Variants in PAFAH1B2 observed in about 807,000 individuals in gnomAD.
PAFAH1B2 encodes platelet-activating factor acetylhydrolase IB subunit alpha2.
A neutral mutation model predicts 28.0 loss-of-function variants in PAFAH1B2; 8 were observed. That is an observed-to-expected ratio of 0.29 (90% confidence interval 0.17 to 0.52). The LOEUF (loss-of-function observed/expected upper bound fraction) is 0.52, where lower values mean the gene tolerates loss of function less well. Among genes scored for constraint, PAFAH1B2 ranks in the 20% least tolerant of loss-of-function variants. The pLI, the probability that PAFAH1B2 is intolerant of heterozygous loss-of-function variation, is 0.97. For missense variants in PAFAH1B2, 190 were observed against 282.6 expected, an observed-to-expected ratio of 0.67 and a Z score of 2.35; for synonymous variants, 104 against 103.2, an observed-to-expected ratio of 1.01 and a Z score of -0.05.
In PAFAH1B2 at chr11:117,167,777, T is replaced by G. The variant is rs1956546193; in HGVS notation, c.*78T>G. The stretch of plus-strand genomic sequence containing the variant: ...ACTGGCACTACAGAATCCTTCTCTT[T>G]CTTAAGGCACTTTGCATTGTAGAAT... On this transcript the variant is annotated 3_prime_UTR_variant, in exon 6 of 6. Transcript: ENST00000527958. 7.2e-7 allele frequency: 1 copy of G among 1,381,566 alleles called. No homozygotes were observed. Among genetic ancestry groups the G allele is most frequent in the Admixed American group, 3.0e-5 (1 of 33,182 alleles). The allele number at this position is 1,381,566 out of a possible 1,614,324, so 85.6% of individuals were successfully genotyped here.
chr11:117,169,260 T>C lies in PAFAH1B2; in HGVS notation c.*1561T>C, dbSNP rs1176917357. The C allele has an allele frequency of 1.9e-6, 2 of 1,038,466 alleles. No individual in the cohort carries two copies. Among genetic ancestry groups the C allele is most frequent in the Non-Finnish European group, 2.3e-6 (2 of 862,374 alleles). 64.3% of individuals were successfully genotyped at this position (1,038,466 alleles called of 1,614,324 possible). On this transcript the variant is annotated 3_prime_UTR_variant, in exon 6 of 6. Coordinates refer to ENST00000527958, the MANE Select transcript of PAFAH1B2 (RefSeq NM_002572.4). Reference sequence around the variant, plus strand: ...TATTAATGTACTTCATCTGAGAATTTGTTGATCTTAATGTTCGAGCTATAT... The same window carrying C: ...TATTAATGTACTTCATCTGAGAATTCGTTGATCTTAATGTTCGAGCTATAT...
chr11:117,144,736 G>A (rs957046974), intron 1 of PAFAH1B2, among the ~76,000 whole-genome samples: 3 of 151,268 alleles, frequency 2.0e-5, no homozygotes, highest in African/African-American at 7.3e-5. Flanking sequence ...AGCGCGGCGG[G>A]CGCCCCGCCC....
At chr11:117,171,592 C>A (rs930058706), downstream of PAFAH1B2, 3 of 831,956 alleles carry the variant, frequency 3.6e-6, no homozygotes, top group Admixed American at 4.1e-5. Flanking sequence ...ACCTTGAGCA[C>A]GGACTCATTT....
chr11:117,154,224 A>T (rs1956215754), intron 2 of PAFAH1B2, among the ~76,000 whole-genome samples: 1 of 152,116 alleles, frequency 6.6e-6, no homozygotes, highest in Non-Finnish European at 1.5e-5. Flanking sequence ...GTAGTGACTC[A>T]CACCTGTAAT....
rs1302236689 is a variant in PAFAH1B2, at chr11:117,163,750, C to A, written c.289-20C>A. 8 of 1,611,848 alleles carry A rather than the reference C, an allele frequency of 5.0e-6. No homozygotes were observed. Among genetic ancestry groups the A allele is most frequent in the Middle Eastern group, 1.6e-4 (1 of 6,074 alleles). ...CTGGGTATTTATCTTCTCCTTCCCC[C>A]CTTTTTTCTTCAATTGCAGGTCATT... is the stretch of plus-strand genomic sequence containing the variant. On this transcript the variant is annotated intron_variant, in intron 4 of 5. Coordinates refer to ENST00000527958, the MANE Select transcript of PAFAH1B2 (RefSeq NM_002572.4).
At chr11:117,174,875 A>C, downstream of PAFAH1B2, 6 of 1,499,740 alleles carry the variant, frequency 4.0e-6, no homozygotes, top group Non-Finnish European at 5.3e-6. Flanking sequence ...TTGGCCTCCC[A>C]AAGTGCTGGG....
At chr11:117,155,439 A>G (rs1956236881) in intron 2 of PAFAH1B2, among the ~76,000 whole-genome samples, 1 of 152,236 alleles carries the variant, frequency 6.6e-6, no homozygotes. Flanking sequence ...GAACTAATAT[A>G]TAAGTATTTC....
chr11:117,161,925 T>C (rs60928822), intron 4 of PAFAH1B2, among the ~76,000 whole-genome samples: 5,156 of 152,154 alleles, frequency 0.034, 108 homozygotes, highest in South Asian at 0.098. Flanking sequence ...TGATTAACTT[T>C]AGGAAGTAAT....
downstream of PAFAH1B2, among the ~76,000 whole-genome samples, chr11:117,172,142 C>T (rs1956662312): frequency 6.6e-6 from 1 of 152,032 alleles, no homozygotes; most frequent in African/African-American, 2.4e-5. Context: ...TCACCAGCAT[C>T]TGTACTTGAG....
Position 117,152,458 on chromosome 11 carries a change from G to A in PAFAH1B2, c.11G>A (p.Gly4Glu). Residue 4 changes from glycine to glutamate, a missense_variant, in exon 2 of 6, where the codon GGA becomes GAA. Gly to Glu is a moderately conservative substitution (Grantham distance 98, BLOSUM62 -2). Coordinates refer to ENST00000527958, the MANE Select transcript of PAFAH1B2 (RefSeq NM_002572.4). MSQ[G>E]DSNPAAIPHA... ...TTTCTCAGGTGTAGAATGAGCCAAG[G>A]AGACTCAAACCCAGCAGCTATTCCG... is the stretch of plus-strand genomic sequence containing the variant. 6.2e-7 allele frequency: 1 copy of A among 1,612,486 alleles called. No individual in the cohort carries two copies. The highest frequency in any genetic ancestry group is 8.5e-7 in the Non-Finnish European group (1 of 1,178,516).
At chr11:117,164,481 G>C (rs528088085) in intron 5 of PAFAH1B2, among the ~76,000 whole-genome samples, 1 of 151,596 alleles carries the variant, frequency 6.6e-6, no homozygotes, top group Non-Finnish European at 1.5e-5. Context: ...TTGCACAATG[G>C]CACATGAGAT....
Position 117,169,575 on chromosome 11 carries a change from C to A in PAFAH1B2, c.*1876C>A, listed in dbSNP as rs185160798. Reference sequence around the variant, plus strand: ...CATTTTTTTCTTGTGAAGTCTCTTTCTAGAAAATTTTTTGGTTTTGTTCTT... The same window carrying A: ...CATTTTTTTCTTGTGAAGTCTCTTTATAGAAAATTTTTTGGTTTTGTTCTT... On this transcript the variant is annotated 3_prime_UTR_variant, in exon 6 of 6. Coordinates refer to ENST00000527958, the MANE Select transcript of PAFAH1B2 (RefSeq NM_002572.4). 1 of 1,054,842 alleles carries A rather than the reference C, an allele frequency of 9.5e-7. No individual in the cohort carries two copies. The highest frequency in any genetic ancestry group is 5.3e-5 in the East Asian group (1 of 18,826). 65.3% of individuals were successfully genotyped at this position (1,054,842 alleles called of 1,614,324 possible).
intron 4 of PAFAH1B2, among the ~76,000 whole-genome samples, chr11:117,162,391 G>A (rs376063072): frequency 1.3e-4 from 20 of 151,232 alleles, no homozygotes; most frequent in East Asian, 1.2e-3. Context: ...TGATCCTCCC[G>A]CCCCGGCCTC....
chr11:117,158,793 C>G (rs534878704), intron 2 of PAFAH1B2, among the ~76,000 whole-genome samples: 1 of 150,940 alleles, frequency 6.6e-6, no homozygotes, highest in East Asian at 2.0e-4. Flanking sequence ...TACAGGCACC[C>G]GCCACCACAC....
chr11:117,159,664 A>G (rs770217079), intron 2 of PAFAH1B2: 2 of 338,292 alleles, frequency 5.9e-6, no homozygotes, highest in African/African-American at 2.1e-5. Context: ...GAGCCCCTGA[A>G]GCAGAAGTTG....
intron 1 of PAFAH1B2, among the ~76,000 whole-genome samples, chr11:117,146,124 T>G (rs1354479742): frequency 1.0e-4 from 15 of 147,942 alleles, no homozygotes; most frequent in Admixed American, 2.0e-4. Flanking sequence ...CTTTTTTTTT[T>G]TTTTTTTTTG....
At chr11:117,172,766 C>T (rs898288739), downstream of PAFAH1B2, among the ~76,000 whole-genome samples, 6 of 152,168 alleles carry the variant, frequency 3.9e-5, no homozygotes, top group Non-Finnish European at 8.8e-5. Context: ...TGCAGTGGTG[C>T]AATCTTGGTT....
At chr11:117,150,709 A>G (rs1404374393) in intron 1 of PAFAH1B2, among the ~76,000 whole-genome samples, 1 of 152,150 alleles carries the variant, frequency 6.6e-6, no homozygotes, top group Non-Finnish European at 1.5e-5. Flanking sequence ...GAGAAAGCTT[A>G]GCTGTATTTG....
At position 117,167,710 on chromosome 11, in the gene PAFAH1B2, T is replaced by A. The variant is rs185651296; in HGVS notation, c.*11T>A. ...ACCACCATTGCCTGACTGGCTCTTA[T>A]CAGTGTTAATAGCATCTCAGCTTCC... On this transcript the variant is annotated 3_prime_UTR_variant, in exon 6 of 6. Transcript: ENST00000527958. 3.9e-6 allele frequency: 6 copies of A among 1,527,784 alleles called. No homozygotes were observed. Among genetic ancestry groups the A allele is most frequent in the East Asian group, 2.3e-5 (1 of 43,456 alleles). The allele number at this position is 1,527,784 out of a possible 1,614,324, so 94.6% of individuals were successfully genotyped here.
Sources: gnomAD v4.1 joint callset for allele counts (sites outside exome capture counted in the v4.1 genomes callset) on GRCh38, gnomAD v4.1.1 for gene constraint, MANE v1.5 for transcripts, NCBI Gene and HGNC (gene_info 2026-07-23, HGNC 2026-07-21) for gene names.